DNM2: variants seen among roughly 807,000 people sequenced by gnomAD.
DNM2 encodes dynamin 2, also known as dynamin-2.
A neutral mutation model predicts 99.0 loss-of-function variants in DNM2; 15 were observed. The observed-to-expected ratio is 0.15, with a 90% confidence interval of 0.10 to 0.23. The LOEUF (loss-of-function observed/expected upper bound fraction) is 0.23. DNM2 is among the 10% of genes least tolerant of loss of function. The pLI is 1.00. For missense variants in DNM2, 742 were observed against 1,189.4 expected (o/e 0.62, Z 5.53); for synonymous variants, 525 against 481.2 (o/e 1.09, Z -1.19).
chr19:10,830,312 C>T lies in DNM2; in HGVS notation c.2477C>T (p.Pro826Leu). ...GTGTTTGCCAACAGTGACCTCTTCC[C>T]AGCCCCGCCTCAGATCCCATCTCGG... ...QSVFANSDLF[P>L]APPQIPSRPV... The change falls in exon 20 of 21, where the codon CCA (proline) becomes CTA (leucine). Residue 826 changes from proline (P) to leucine (L), a missense_variant. Pro to Leu is a moderately conservative substitution (Grantham distance 98). Transcript: ENST00000389253. The surrounding 1 kb of genome is among the most constrained non-coding windows in gnomAD (Gnocchi z 4.8). 1.9e-6 allele frequency: 3 copies of T among 1,613,700 alleles called. No homozygotes were observed. The highest frequency in any genetic ancestry group is 2.5e-6 in the Non-Finnish European group (3 of 1,179,898).
At chr19:10,760,098 A>G (rs759905663) in intron 2 of DNM2, among the ~76,000 whole-genome samples, 3 of 151,614 alleles carry the variant, frequency 2.0e-5, no homozygotes, top group Non-Finnish European at 4.4e-5. Context: ...CAGTGATGCT[A>G]TCTTGGCTCA....
intron 1 of DNM2, among the ~76,000 whole-genome samples, chr19:10,731,730 G>A (rs1036977845): frequency 6.6e-6 from 1 of 152,210 alleles, no homozygotes; most frequent in South Asian, 2.1e-4. Flanking sequence ...TCAGCTTGAC[G>A]AAGGCTTCCT....
chr19:10,758,451 C>CTCCTTCCT, intron 1 of DNM2, among the ~76,000 whole-genome samples: 1 of 64,300 alleles, frequency 1.6e-5, no homozygotes, highest in African/African-American at 6.8e-5. Flanking sequence ...CCTTCCTTCC[C>CTCCTTCCT]TCCCTCCTTC....
chr19:10,831,424 A>G lies in DNM2; in HGVS notation c.*377A>G. The G allele has an allele frequency of 2.9e-6, 3 of 1,023,902 alleles. No individual in the cohort carries two copies. Among genetic ancestry groups the G allele is most frequent in the Non-Finnish European group, 3.5e-6 (3 of 855,332 alleles). The allele number at this position is 1,023,902 out of a possible 1,614,324, so 63.4% of individuals were successfully genotyped here. A position where few individuals can be genotyped will look rare whatever the true frequency, so the allele number is the denominator to read the frequency against. On this transcript the variant is annotated 3_prime_UTR_variant, in exon 21 of 21. Coordinates refer to ENST00000389253, the MANE Select transcript of DNM2 (RefSeq NM_001005361.3). This position sits in a 1 kb window ranked among gnomAD's most constrained non-coding sequence, Gnocchi z 4.3. ...GGGCAGGCCTTCTATAAGTGCGGGC[A>G]CCAAGGGCGCCTACATCCCCAGGCC... is the stretch of plus-strand genomic sequence containing the variant.
chr19:10,782,205 G>A (rs4804529), intron 5 of DNM2, among the ~76,000 whole-genome samples: 35,843 of 151,652 alleles, frequency 0.24, 5,336 homozygotes, highest in Middle Eastern at 0.37. Flanking sequence ...GCTAATTTTT[G>A]TATATTTTTG....
intron 1 of DNM2, among the ~76,000 whole-genome samples, chr19:10,723,822 A>C (rs1297992263): frequency 6.6e-6 from 1 of 152,180 alleles, no homozygotes; most frequent in Non-Finnish European, 1.5e-5. Context: ...TGGGCCACTT[A>C]GTGGCTCAGG....
chr19:10,776,107 G>A (rs1405913120), intron 4 of DNM2, among the ~76,000 whole-genome samples: 2 of 152,102 alleles, frequency 1.3e-5, no homozygotes, highest in Non-Finnish European at 2.9e-5. Context: ...GCAGTTGGAC[G>A]GTCCTCCTTG....
intron 17 of DNM2, 143 bp downstream of exon 17, chr19:10,824,042 C>G: frequency 1.3e-6 from 1 of 753,590 alleles, no homozygotes. Context: ...CTTGAGCAAG[C>G]AAAGGAGAAA....
At chr19:10,725,267 G>A (rs76531206) in intron 1 of DNM2, among the ~76,000 whole-genome samples, 12,717 of 152,060 alleles carry the variant, frequency 0.084, 560 homozygotes, top group Middle Eastern at 0.11. Flanking sequence ...CCAACATAGT[G>A]AATCCCGATC....
intron 5 of DNM2, among the ~76,000 whole-genome samples, chr19:10,779,272 T>C (rs1273958254): frequency 1.3e-5 from 2 of 151,714 alleles, no homozygotes; most frequent in Non-Finnish European, 2.9e-5. Context: ...GCAGCAGTTT[T>C]AGGTTCATAG....
chr19:10,793,694 T>C, intron 7 of DNM2, 26 bp from the exon 8 acceptor site: 1 of 1,614,208 alleles, frequency 6.2e-7, no homozygotes, highest in Non-Finnish European at 8.5e-7. Flanking sequence ...TCCGTTTTGA[T>C]GCTTGCTTTT....
At chr19:10,742,047 T>C (rs187427717) in intron 1 of DNM2, among the ~76,000 whole-genome samples, 20 of 152,146 alleles carry the variant, frequency 1.3e-4, no homozygotes, top group Admixed American at 9.8e-4. Flanking sequence ...TGCAGCATCA[T>C]GAGAGAGTCC....
rs147433243 is a variant in DNM2 at position 10,747,923 on chromosome 19, A to G, written c.162-11815A>G. Among the ~76,000 whole-genome samples, 688 of 152,276 alleles carry G rather than the reference A, an allele frequency of 4.5e-3. 5 individuals carry two copies. The highest frequency in any genetic ancestry group is 0.015 in the African/African-American group (615 of 41,560). The stretch of plus-strand genomic sequence containing the variant: ...TGCCCGCCTGCTCTGTTAATGCTGC[A>G]GGAAGAAGGTTCCAGGCTGAGGGAA... On this transcript the variant is annotated intron_variant, in intron 1 of 20. Transcript: ENST00000389253.
chr19:10,753,313 C>T (rs540981318), intron 1 of DNM2, among the ~76,000 whole-genome samples: 17 of 152,210 alleles, frequency 1.1e-4, no homozygotes, highest in Non-Finnish European at 1.5e-4. Flanking sequence ...CCAGCCGCCC[C>T]GGGTCCTGTT....
rs2072021608 is a variant in DNM2 at position 10,798,526 on chromosome 19, T to C, written c.1376T>C (p.Ile459Thr). 6.2e-7 allele frequency: 1 copy of C among 1,614,080 alleles called. No individual in the cohort carries two copies. The highest frequency in any genetic ancestry group is 8.5e-7 in the Non-Finnish European group (1 of 1,180,030). ...YPRLREETER[I>T]VTTYIREREG... ...CGGTTGCGAGAGGAGACAGAGCGAA[T>C]CGTCACCACTTACATCCGGGAACGG... is the stretch of plus-strand genomic sequence containing the variant. The change falls in exon 11 of 21, where the codon ATC (isoleucine) becomes ACC (threonine). Residue 459 changes from isoleucine to threonine, a missense_variant. Around this residue, in one of 7 missense-constraint regions of DNM2, gnomAD observed 240 missense variants for 431.3 expected, o/e 0.56. Coordinates refer to ENST00000389253, the MANE Select transcript of DNM2 (RefSeq NM_001005361.3).
chr19:10,828,978 TG>T (rs1476697904), intron 18 of DNM2, 57 bp from the exon 19 acceptor site: 2 of 1,547,596 alleles, frequency 1.3e-6, no homozygotes, highest in Non-Finnish European at 1.8e-6. Flanking sequence ...CAGCAGTCAC[TG>T]TGGGTTCTGG....
At chr19:10,743,114 C>G (rs2069820156) in intron 1 of DNM2, among the ~76,000 whole-genome samples, 1 of 151,372 alleles carries the variant, frequency 6.6e-6, no homozygotes, top group Non-Finnish European at 1.5e-5. Context: ...TCATGTTGCC[C>G]AGGCTGGTCT....
Position 10,777,215 on chromosome 19 carries a change from A to AG in DNM2, c.688+1dup. 6.2e-7 allele frequency: 1 copy of AG among 1,614,016 alleles called. No homozygotes were observed. Among genetic ancestry groups the AG allele is most frequent in the Non-Finnish European group, 8.5e-7 (1 of 1,179,964 alleles). ...AGAACAAGTTGCTCCCGTTGAGAAG[A>AG]GGTGTGGCTTTGGGGGTGCTGGGGA... On this transcript the variant is annotated frameshift_variant and splice_region_variant, in exon 5 of 21. Coordinates refer to ENST00000389253, the MANE Select transcript of DNM2 (RefSeq NM_001005361.3). LOFTEE classifies it high-confidence loss of function.
chr19:10,831,346 C>G lies in DNM2; in HGVS notation c.*299C>G. 8.5e-7 allele frequency: 1 copy of G among 1,175,968 alleles called. No homozygotes were observed. Among genetic ancestry groups the G allele is most frequent in the Non-Finnish European group, 1.1e-6 (1 of 950,354 alleles). 72.8% of individuals were successfully genotyped at this position (1,175,968 alleles called of 1,614,324 possible). A position where few individuals can be genotyped will look rare whatever the true frequency, so the allele number is the denominator to read the frequency against. On this transcript the variant is annotated 3_prime_UTR_variant, in exon 21 of 21. Coordinates refer to ENST00000389253, the MANE Select transcript of DNM2 (RefSeq NM_001005361.3). This position sits in a 1 kb window ranked among gnomAD's most constrained non-coding sequence, Gnocchi z 4.3. ...CTTGACACCATCCTGAATGAGGGGTCCAGCCTGGGGGGGACTCTACCAAGG... is the reference window on the plus strand; with the variant it reads ...CTTGACACCATCCTGAATGAGGGGTGCAGCCTGGGGGGGACTCTACCAAGG...
Sources: allele counts gnomAD v4.1 joint callset (sites outside exome capture counted in the v4.1 genomes callset), GRCh38; gene constraint gnomAD v4.1.1; regional missense constraint gnomAD v4.1.1; non-coding constraint Gnocchi (gnomAD v3.1); transcripts MANE v1.5; gene names NCBI Gene and HGNC (gene_info 2026-07-23, HGNC 2026-07-21).